Variants in NPTN observed in about 807,000 individuals in gnomAD.
NPTN encodes the protein neuroplastin.
A neutral mutation model predicts 42.7 loss-of-function variants in NPTN; 5 were observed. That is an observed-to-expected ratio of 0.12 (90% CI 0.06 to 0.25). NPTN has a LOEUF of 0.25. NPTN is among the 10% of genes least tolerant of loss of function. The probability of loss-of-function intolerance (pLI) is 1.00; values close to 1 mark genes in which losing one functional copy is unlikely to be tolerated. For missense variants in NPTN, 307 were observed against 525.4 expected (o/e 0.58, Z 4.06); for synonymous variants, 180 against 201.9 (o/e 0.89, Z 0.92).
intron 1 of NPTN, among the ~76,000 whole-genome samples, chr15:73,602,654 A>C (rs893632298): frequency 6.6e-6 from 1 of 152,180 alleles, no homozygotes; most frequent in Admixed American, 6.5e-5. Flanking sequence ...TCAGAAGTCT[A>C]TATGCACTCA....
At chr15:73,609,548 T>C (rs1897465938) in intron 1 of NPTN, among the ~76,000 whole-genome samples, 1 of 152,142 alleles carries the variant, frequency 6.6e-6, no homozygotes, top group Non-Finnish European at 1.5e-5. Context: ...GGAGAATCGC[T>C]TGAACCCAGG....
At chr15:73,608,102 A>T (rs1190738125) in intron 1 of NPTN, among the ~76,000 whole-genome samples, 1 of 152,212 alleles carries the variant, frequency 6.6e-6, no homozygotes, top group East Asian at 1.9e-4. Context: ...CTGTGTCACT[A>T]TGATTTCAAA....
intron 2 of NPTN, among the ~76,000 whole-genome samples, chr15:73,596,597 G>A (rs1039005489): frequency 7.9e-5 from 12 of 152,146 alleles, no homozygotes; most frequent in African/African-American, 2.4e-4. Flanking sequence ...ATCAGCAAAA[G>A]TATAGCAGGA....
At chr15:73,583,477 G>C (rs1291663266) in intron 4 of NPTN, among the ~76,000 whole-genome samples, 2 of 152,134 alleles carry the variant, frequency 1.3e-5, no homozygotes, top group Admixed American at 1.3e-4. Flanking sequence ...GGAGACTAAA[G>C]GAGAGAAAAG....
At position 73,633,306 on chromosome 15, in the gene NPTN, C is replaced by G. The variant is rs1050315729; in HGVS notation, c.-91G>C. On this transcript the variant is annotated 5_prime_UTR_variant, in exon 1 of 9. Transcript: ENST00000345330. ...GAGGGAGGGAGGGGGCGGGCGAGTG[C>G]GCGAGGGAGTGAGCGAGGGAGGCAG... The G allele has an allele frequency of 2.1e-6, 2 of 959,656 alleles. No individual in the cohort carries two copies. The highest frequency in any genetic ancestry group is 2.9e-4 in the Middle Eastern group (1 of 3,468). The allele number at this position is 959,656 out of a possible 1,614,324, so 59.4% of individuals were successfully genotyped here. A position where few individuals can be genotyped will look rare whatever the true frequency, so the allele number is the denominator to read the frequency against.
At chr15:73,596,907 G>A in intron 2 of NPTN, 115 bp downstream of exon 2, 1 of 848,700 alleles carries the variant, frequency 1.2e-6, no homozygotes, top group Non-Finnish European at 1.8e-6. Context: ...AAAAAACGAA[G>A]ACAAGGGGTG....
intron 4 of NPTN, among the ~76,000 whole-genome samples, chr15:73,585,136 G>A (rs1431660736): frequency 2.0e-5 from 3 of 152,218 alleles, no homozygotes; most frequent in Admixed American, 6.5e-5. Context: ...AATAGATGAT[G>A]AAGAAATATA....
intron 5 of NPTN, among the ~76,000 whole-genome samples, chr15:73,571,566 A>T (rs1397156719): frequency 6.6e-6 from 1 of 152,178 alleles, no homozygotes; most frequent in Non-Finnish European, 1.5e-5. Context: ...TAGACTGTGG[A>T]GGAGGACAGC....
At chr15:73,567,422 G>A in intron 6 of NPTN, 2 of 985,372 alleles carry the variant, frequency 2.0e-6, no homozygotes, top group Non-Finnish European at 2.4e-6. Context: ...ACACTCCCAA[G>A]TTTGTGTCAA....
chr15:73,566,743 A>G (rs1195240167), intron 6 of NPTN, among the ~76,000 whole-genome samples: 2 of 152,248 alleles, frequency 1.3e-5, no homozygotes, highest in African/African-American at 4.8e-5. Context: ...TTAGAGAACT[A>G]TCATTTAACA....
chr15:73,601,295 A>G (rs1006972456), intron 1 of NPTN, among the ~76,000 whole-genome samples: 1 of 152,182 alleles, frequency 6.6e-6, no homozygotes, highest in African/African-American at 2.4e-5. Flanking sequence ...AAAACCATGA[A>G]AAGAGATCTA....
At chr15:73,568,432 G>A (rs1342600936) in intron 6 of NPTN, 8 of 985,262 alleles carry the variant, frequency 8.1e-6, no homozygotes, top group Non-Finnish European at 9.6e-6. Flanking sequence ...GCATTCTGGG[G>A]GGATAAAAAG....
intron 3 of NPTN, among the ~76,000 whole-genome samples, chr15:73,589,106 T>C (rs1197961574): frequency 6.6e-6 from 1 of 152,002 alleles, no homozygotes; most frequent in East Asian, 1.9e-4. Context: ...CTGAGGTGTG[T>C]GGACTGCTTG....
At chr15:73,568,082 T>A in intron 6 of NPTN, 2 of 985,508 alleles carry the variant, frequency 2.0e-6, no homozygotes, top group Non-Finnish European at 2.4e-6. Context: ...GTCCCCCATT[T>A]GATTTCAGTA....
Position 73,569,107 on chromosome 15 carries a change from T to C in NPTN, c.1114+1043A>G. The C allele has an allele frequency of 1.0e-6, 1 of 985,562 alleles. No homozygotes were observed. The allele number at this position is 985,562 out of a possible 1,614,324, so 61.1% of individuals were successfully genotyped here. On this transcript the variant is annotated intron_variant, in intron 6 of 8. Coordinates refer to ENST00000345330, the MANE Select transcript of NPTN (RefSeq NM_012428.4). This position sits in a 1 kb window ranked among gnomAD's most constrained non-coding sequence, Gnocchi z 4.1. ...CTGGCAACCCCACCATCACCCCGGG[T>C]AGGCTACCACTGAGCCCAGGGGCAC...
chr15:73,579,986 T>C (rs1024670677), intron 4 of NPTN, among the ~76,000 whole-genome samples: 3 of 152,202 alleles, frequency 2.0e-5, no homozygotes, highest in Non-Finnish European at 4.4e-5. Context: ...CCACTAAGTT[T>C]TGGGGTAATT....
At position 73,569,608 on chromosome 15, in the gene NPTN, CA is replaced by C; in HGVS notation, c.1114+541del. 1.0e-6 allele frequency: 1 copy of C among 985,454 alleles called. No homozygotes were observed. The highest frequency in any genetic ancestry group is 1.2e-6 in the Non-Finnish European group (1 of 829,936). The allele number at this position is 985,454 out of a possible 1,614,324, so 61.0% of individuals were successfully genotyped here. On this transcript the variant is annotated intron_variant, in intron 6 of 8. Transcript: ENST00000345330. This position sits in a 1 kb window ranked among gnomAD's most constrained non-coding sequence, Gnocchi z 4.1. ...CTATCAAAGGGACCAACCAAGGAAC[CA>C]AAAGCTGGCTTGTTCCAATGGCTTT...
chr15:73,600,162 G>A (rs1180031067), intron 1 of NPTN, among the ~76,000 whole-genome samples: 2 of 152,172 alleles, frequency 1.3e-5, no homozygotes, highest in Admixed American at 6.5e-5. Context: ...AAGACTTCCT[G>A]CTAAGAGTAA....
chr15:73,573,883 G>A, intron 4 of NPTN, 88 bp from the exon 5 acceptor site: 1 of 1,496,468 alleles, frequency 6.7e-7, no homozygotes, highest in Non-Finnish European at 9.1e-7. Flanking sequence ...AGCCCTGCTT[G>A]TAATGTAGTC....
Sources: gnomAD v4.1 joint callset for allele counts (sites outside exome capture counted in the v4.1 genomes callset) on GRCh38, gnomAD v4.1.1 for gene constraint, Gnocchi (gnomAD v3.1) non-coding constraint, MANE v1.5 for transcripts, NCBI Gene and HGNC (gene_info 2026-07-23, HGNC 2026-07-21) for gene names.